The following VPS33A variants were observed in gnomAD, a reference collection of about 807,000 sequenced individuals.
VPS33A encodes VPS33A core subunit of CORVET and HOPS complexes.
VPS33A carries 32 observed loss-of-function variants against 71.8 expected under a neutral mutation model. The observed-to-expected ratio is 0.45, with a 90% CI of 0.34 to 0.60. VPS33A has a LOEUF of 0.60. VPS33A is among the 20% of genes least tolerant of loss of function. VPS33A has a pLI of 0.02. For synonymous variants in VPS33A, 311 were observed against 292.7 expected (o/e 1.06, Z -0.64); for missense variants, 625 against 748.5 (o/e 0.84, Z 1.92).
chr12:122,261,468 G>C, intron 3 of VPS33A, 21 bp from the exon 4 acceptor site: 1 of 1,611,610 alleles, frequency 6.2e-7, no homozygotes, highest in Non-Finnish European at 8.5e-7. Context: ...AGCAACATTT[G>C]TTAGCTTATG....
intron 4 of VPS33A, among the ~76,000 whole-genome samples, chr12:122,257,350 C>A (rs1010157652): frequency 1.3e-5 from 2 of 149,806 alleles, no homozygotes; most frequent in Non-Finnish European, 3.0e-5. Flanking sequence ...CTGCTTGAAC[C>A]CAGAAGGCGG....
chr12:122,241,389 T>G (rs2136129275), intron 8 of VPS33A, among the ~76,000 whole-genome samples: 1 of 152,154 alleles, frequency 6.6e-6, no homozygotes, highest in East Asian at 1.9e-4. Context: ...CACTGCAACC[T>G]CTGCCTCCCG....
At chr12:122,239,605 G>A (rs1954683250) in intron 9 of VPS33A, among the ~76,000 whole-genome samples, 1 of 151,916 alleles carries the variant, frequency 6.6e-6, no homozygotes. Context: ...GTGGTGGTGA[G>A]CGCCTGTAGT....
intron 11 of VPS33A, among the ~76,000 whole-genome samples, chr12:122,233,312 G>A (rs967976940): frequency 1.3e-5 from 2 of 151,302 alleles, no homozygotes; most frequent in Admixed American, 6.6e-5. Flanking sequence ...TGCAACCTCC[G>A]CCTCCCTAGT....
chr12:122,250,488 A>T (rs1389145021), intron 5 of VPS33A, among the ~76,000 whole-genome samples: 1 of 152,180 alleles, frequency 6.6e-6, no homozygotes, highest in African/African-American at 2.4e-5. Context: ...ACTCACACTG[A>T]ACTGACAGCC....
Position 122,261,272 on chromosome 12 carries a change from C to A in VPS33A, c.472G>T (p.Gly158Cys). 1 of 1,598,306 alleles carries A rather than the reference C, an allele frequency of 6.3e-7. No individual in the cohort carries two copies. Among genetic ancestry groups the A allele is most frequent in the Non-Finnish European group, 8.5e-7 (1 of 1,174,740 alleles). The change falls in exon 4 of 13, where the codon GGT (glycine) becomes TGT (cysteine). Residue 158 changes from glycine to cysteine, a missense_variant. Transcript: ENST00000267199. Reference sequence around the variant, plus strand: ...AATGCCAAACTTACTTTGAATGCACCCTCTGATTCCATGGATAAGAGATCC... The same window carrying A: ...AATGCCAAACTTACTTTGAATGCACACTCTGATTCCATGGATAAGAGATCC... ...DGDLLSMESEGAFKECYLEGD... is the reference protein window; with the variant it reads ...DGDLLSMESECAFKECYLEGD...
At chr12:122,265,994 C>A (rs1345157471) in intron 1 of VPS33A, among the ~76,000 whole-genome samples, 1 of 152,246 alleles carries the variant, frequency 6.6e-6, no homozygotes. Flanking sequence ...GGACCGCTCA[C>A]CCGTCCGGTG....
At chr12:122,233,697 T>C (rs1420710898) in intron 11 of VPS33A, among the ~76,000 whole-genome samples, 1 of 152,178 alleles carries the variant, frequency 6.6e-6, no homozygotes, top group African/African-American at 2.4e-5. Context: ...CATGTAACAG[T>C]AAAGACTGGA....
At chr12:122,245,312 ATG>A (rs1954763235) in intron 6 of VPS33A, among the ~76,000 whole-genome samples, 1 of 152,078 alleles carries the variant, frequency 6.6e-6, no homozygotes. Flanking sequence ...ACATGCATAC[ATG>A]TGTGTATATA....
intron 4 of VPS33A, among the ~76,000 whole-genome samples, chr12:122,258,672 T>C (rs991085872): frequency 1.3e-5 from 2 of 151,898 alleles, no homozygotes; most frequent in African/African-American, 4.8e-5. Context: ...TCATACTCAG[T>C]AGGATGACTA....
intron 1 of VPS33A, chr12:122,264,687 G>A (rs4758649): frequency 0.22 from 33,696 of 151,988 alleles, 4,850 homozygotes; most frequent in East Asian, 0.62. Flanking sequence ...CACTGCACGC[G>A]GCCGAATAAA....
intron 9 of VPS33A, among the ~76,000 whole-genome samples, 191 bp downstream of exon 9, chr12:122,239,687 C>T (rs752989422): frequency 3.0e-5 from 4 of 134,664 alleles, no homozygotes; most frequent in South Asian, 2.5e-4. Flanking sequence ...GCAGAGATGG[C>T]GCCACTGCAC....
At position 122,230,241 on chromosome 12, in the gene VPS33A, A is replaced by G. The variant is rs1441382271; in HGVS notation, c.*2005T>C. Reference sequence around the variant, plus strand: ...TCATTAAAGAGATTTTTAAAAAAGTATACAGAATTTCTCTTTCATTAATAA... The same window carrying G: ...TCATTAAAGAGATTTTTAAAAAAGTGTACAGAATTTCTCTTTCATTAATAA... On this transcript the variant is annotated 3_prime_UTR_variant, in exon 13 of 13. Transcript: ENST00000267199. The G allele has an allele frequency of 6.6e-6, 1 of 152,354 alleles. No homozygotes were observed. Among genetic ancestry groups the G allele is most frequent in the Non-Finnish European group, 1.5e-5 (1 of 68,034 alleles). The allele number at this position is 152,354 out of a possible 1,614,324, so 9.4% of individuals were successfully genotyped here.
intron 3 of VPS33A, among the ~76,000 whole-genome samples, chr12:122,263,229 G>C (rs1231349577): frequency 6.6e-6 from 1 of 152,090 alleles, no homozygotes; most frequent in Non-Finnish European, 1.5e-5. Context: ...CTGACCTCAA[G>C]TGATCCACCC....
intron 10 of VPS33A, among the ~76,000 whole-genome samples, chr12:122,238,017 T>G (rs1257674256): frequency 6.6e-6 from 1 of 151,560 alleles, no homozygotes; most frequent in Non-Finnish European, 1.5e-5. Context: ...CCTCCAGCGA[T>G]CCTCCTGCCT....
At chr12:122,263,062 A>G (rs1955019558) in intron 3 of VPS33A, among the ~76,000 whole-genome samples, 1 of 143,566 alleles carries the variant, frequency 7.0e-6, no homozygotes. Flanking sequence ...GCGCGATCTC[A>G]GCTCACTGCA....
Position 122,232,819 on chromosome 12 carries a change from G to A in VPS33A, c.1590C>T (p.Pro530=), listed in dbSNP as rs1331616942. Reference sequence around the variant, plus strand: ...ACTTACGTTTCTTCTGCAGTCCTGTGGGCAGTGGCTGCCGCTCCTCAAAGT... The same window carrying A: ...ACTTACGTTTCTTCTGCAGTCCTGTAGGCAGTGGCTGCCGCTCCTCAAAGT... ...GPHFEERQPL[P]TGLQKKRQPG... is the part of the protein sequence containing the mutation. The change falls in exon 12 of 13, where the codon CCC becomes CCT. Residue 530 remains proline (P), a synonymous_variant. Coordinates refer to ENST00000267199, the MANE Select transcript of VPS33A (RefSeq NM_022916.6). 4 of 1,613,646 alleles carry A rather than the reference G, an allele frequency of 2.5e-6. No individual in the cohort carries two copies. Among genetic ancestry groups the A allele is most frequent in the Non-Finnish European group, 3.4e-6 (4 of 1,179,710 alleles).
intron 11 of VPS33A, among the ~76,000 whole-genome samples, chr12:122,234,493 T>C (rs563076054): frequency 6.6e-6 from 1 of 152,286 alleles, no homozygotes; most frequent in African/African-American, 2.4e-5. Context: ...GGTTTCACCA[T>C]GTTGGCCAGG....
At chr12:122,238,996 TACACACACACAC>T (rs68026867) in intron 9 of VPS33A, among the ~76,000 whole-genome samples, 2 of 137,096 alleles carry the variant, frequency 1.5e-5, no homozygotes, top group East Asian at 2.0e-4. Flanking sequence ...CATACATACA[TACACACACACAC>T]ACACACACAC....
Sources: allele counts gnomAD v4.1 joint callset (sites outside exome capture counted in the v4.1 genomes callset), GRCh38; gene constraint gnomAD v4.1.1; transcripts MANE v1.5; gene names NCBI Gene and HGNC (gene_info 2026-07-23, HGNC 2026-07-21).